The following FLT1 variants were observed in gnomAD, a reference collection of about 807,000 sequenced individuals.
FLT1 encodes fms related receptor tyrosine kinase 1, also known as vascular endothelial growth factor receptor 1.
FLT1 carries 49 observed loss-of-function variants against 156.3 expected under a neutral mutation model. That is an observed-to-expected ratio of 0.31 (90% CI 0.25 to 0.40). The LOEUF (loss-of-function observed/expected upper bound fraction) is 0.40, where lower values mean the gene tolerates loss of function less well. FLT1 is among the 10% of genes least tolerant of loss of function. The pLI, the probability that FLT1 is intolerant of heterozygous loss-of-function variation, is 1.00. For missense variants in FLT1, 1,322 were observed against 1,637.2 expected (o/e 0.81, Z 3.32); for synonymous variants, 594 against 583.8 (o/e 1.02, Z -0.25).
intron 1 of FLT1, among the ~76,000 whole-genome samples, chr13:28,469,668 G>T (rs571372884): frequency 6.6e-6 from 1 of 152,182 alleles, no homozygotes; most frequent in Non-Finnish European, 1.5e-5. Context: ...AGAATATTTT[G>T]CTGGGTATAT....
Position 28,431,314 on chromosome 13 carries a change from G to C in FLT1, c.814-4C>G, listed in dbSNP as rs1416306416. ...TTACGGAAGCTCTCTTATTTTTCTAGAAAGAAAATGTATAACAAATGTAGA... is the reference window on the plus strand; with the variant it reads ...TTACGGAAGCTCTCTTATTTTTCTACAAAGAAAATGTATAACAAATGTAGA... On this transcript the variant is annotated splice_region_variant and splice_polypyrimidine_tract_variant and intron_variant, in intron 6 of 29. Coordinates refer to ENST00000282397, the MANE Select transcript of FLT1 (RefSeq NM_002019.4). 4.4e-6 allele frequency: 7 copies of C among 1,607,500 alleles called. No homozygotes were observed. The highest frequency in any genetic ancestry group is 4.3e-6 in the Non-Finnish European group (5 of 1,174,334).
intron 20 of FLT1, among the ~76,000 whole-genome samples, chr13:28,325,816 CAAA>C (rs377427677): frequency 1.4e-5 from 1 of 71,166 alleles, no homozygotes. Context: ...AACTCTGTCT[CAAA>C]AAAAAAAAAA....
intron 8 of FLT1, among the ~76,000 whole-genome samples, chr13:28,428,185 T>TA (rs1877462467): frequency 6.6e-6 from 1 of 152,202 alleles, no homozygotes; most frequent in Non-Finnish European, 1.5e-5. Flanking sequence ...CCCACAGGCA[T>TA]ACTGGTGGCC....
At chr13:28,405,650 T>C in intron 11 of FLT1, 130 bp downstream of exon 11, 1 of 698,560 alleles carries the variant, frequency 1.4e-6, no homozygotes. Context: ...ATAGCTCAGA[T>C]ATTGTCTTTC....
At chr13:28,473,241 T>A (rs1289092771) in intron 1 of FLT1, among the ~76,000 whole-genome samples, 1 of 152,146 alleles carries the variant, frequency 6.6e-6, no homozygotes, top group Non-Finnish European at 1.5e-5. Context: ...TTTAAACACA[T>A]GACTCAGCAA....
At position 28,329,722 on chromosome 13, in the gene FLT1, G is replaced by C; in HGVS notation, c.2600C>G (p.Ala867Gly). The change falls in exon 19 of 30, where the codon GCC becomes GGC. Residue 867 changes from alanine (A) to glycine (G), a missense_variant. Ala to Gly is a moderately conservative substitution (Grantham distance 60). Coordinates refer to ENST00000282397, the MANE Select transcript of FLT1 (RefSeq NM_002019.4). Reference sequence around the variant, plus strand: ...CAGAGCTTTGTACTCGCTGGCCGTGGCCCCCTCTGTGTGAGAAGCAAGGAA... The same window carrying C: ...CAGAGCTTTGTACTCGCTGGCCGTGCCCCCCTCTGTGTGAGAAGCAAGGAA... The part of the protein sequence containing the change: ...TVAVKMLKEG[A>G]TASEYKALMT... 1 of 1,613,374 alleles carries C rather than the reference G, an allele frequency of 6.2e-7. No homozygotes were observed. The highest frequency in any genetic ancestry group is 8.5e-7 in the Non-Finnish European group (1 of 1,179,430).
At chr13:28,477,885 A>G (rs2137648507) in intron 1 of FLT1, among the ~76,000 whole-genome samples, 1 of 152,340 alleles carries the variant, frequency 6.6e-6, no homozygotes. Context: ...CAGATTGTGA[A>G]CACCTGGAAG....
At position 28,329,546 on chromosome 13, in the gene FLT1, G is replaced by GT. The variant is rs1281413992; in HGVS notation, c.2707+68dup. 16 of 1,129,244 alleles carry GT rather than the reference G, an allele frequency of 1.4e-5. No homozygotes were observed. The East Asian group carries it at 3.8e-4, about 27-fold the overall frequency. 70.0% of individuals were successfully genotyped at this position (1,129,244 alleles called of 1,614,324 possible). On this transcript the variant is annotated intron_variant, in intron 19 of 29. Transcript: ENST00000282397. ...AGCACAGTGCGGGGGAGAAGGAGCT[G>GT]TAAGGCAGAGAACTGTTCTCCCAGC...
chr13:28,386,048 C>T, intron 13 of FLT1: 9 of 1,053,600 alleles, frequency 8.5e-6, no homozygotes, highest in Non-Finnish European at 1.0e-5. Flanking sequence ...AGAGTTTTGG[C>T]ATAACTGACA....
intron 14 of FLT1, among the ~76,000 whole-genome samples, chr13:28,371,229 A>C (rs560332042): frequency 6.6e-6 from 1 of 152,314 alleles, no homozygotes; most frequent in Non-Finnish European, 1.5e-5. Flanking sequence ...TTTTATTTTC[A>C]TCATAACAGT....
In FLT1 at chr13:28,301,297, G is replaced by C. The variant is rs55875014; in HGVS notation, c.*1870C>G. ...GGTTTGCGTATGTAAAGAAGAGGAA[G>C]AACAAAGATTTGTCCTCTCTTCTGG... On this transcript the variant is annotated 3_prime_UTR_variant, in exon 30 of 30. Coordinates refer to ENST00000282397, the MANE Select transcript of FLT1 (RefSeq NM_002019.4). 40,568 of 232,622 alleles carry C rather than the reference G, an allele frequency of 0.17. 5,204 individuals are homozygous for C. Among genetic ancestry groups the C allele is most frequent in the African/African-American group, 0.38 (17,308 of 45,208 alleles). The allele number at this position is 232,622 out of a possible 1,614,324, so 14.4% of individuals were successfully genotyped here.
chr13:28,326,871 A>C (rs1871705726), intron 20 of FLT1, among the ~76,000 whole-genome samples: 1 of 152,108 alleles, frequency 6.6e-6, no homozygotes, highest in East Asian at 1.9e-4. Flanking sequence ...TTGGGTCCAC[A>C]TGTTCCTTTT....
rs1444784133 is a variant in FLT1 at position 28,430,057 on chromosome 13, C to T, written c.1099G>A (p.Val367Ile). 3 of 1,608,102 alleles carry T rather than the reference C, an allele frequency of 1.9e-6. No homozygotes were observed. The highest frequency in any genetic ancestry group is 2.2e-5 in the South Asian group (2 of 90,962). The part of the protein sequence containing the change: ...MKVKAFPSPE[V>I]VWLKDGLPAT... Reference sequence around the variant, plus strand: ...AAATAAGGATGGTCCTACCATACAACTTCCGGCGAGGGAAATGCCTTCACT... The same window carrying T: ...AAATAAGGATGGTCCTACCATACAATTTCCGGCGAGGGAAATGCCTTCACT... The change falls in exon 8 of 30, where the codon GTT (valine) becomes ATT (isoleucine). Residue 367 changes from valine (V) to isoleucine (I), a missense_variant. By Grantham distance (29) the Val-to-Ile change is conservative. Transcript: ENST00000282397.
chr13:28,481,728 A>G (rs1195995013), intron 1 of FLT1, among the ~76,000 whole-genome samples: 1 of 152,258 alleles, frequency 6.6e-6, no homozygotes. Context: ...GAATAGGTGA[A>G]TACTAAGAAA....
rs147700083 is a variant in FLT1, at chr13:28,417,437, C to A, written c.1436+9722G>T. Among the ~76,000 whole-genome samples the A allele has an allele frequency of 1.9e-4, 29 of 152,184 alleles. No individual in the cohort carries two copies. In the East Asian group the frequency reaches 5.6e-3, roughly 29 times the overall value. On this transcript the variant is annotated intron_variant, in intron 10 of 29. Transcript: ENST00000282397. ...TGCGGCCTCTAAACTGCAACATTCA[C>A]CATCTACCACCCATGGTCGGCTCGT...
chr13:28,357,738 A>G (rs1872952492), intron 14 of FLT1, 53 bp from the exon 15 acceptor site: 15 of 1,550,776 alleles, frequency 9.7e-6, no homozygotes, highest in Admixed American at 1.7e-5. Flanking sequence ...AACAAAAAAC[A>G]GCTACTTCTG....
At chr13:28,381,012 C>T (rs1238112756) in intron 14 of FLT1, among the ~76,000 whole-genome samples, 1 of 152,130 alleles carries the variant, frequency 6.6e-6, no homozygotes, top group Admixed American at 6.5e-5. Flanking sequence ...AAGCCCTGAT[C>T]TCCCCAGCAC....
chr13:28,394,795 G>A (rs1320423993), intron 12 of FLT1, among the ~76,000 whole-genome samples: 1 of 152,152 alleles, frequency 6.6e-6, no homozygotes, highest in Non-Finnish European at 1.5e-5. Context: ...CCTATATCAT[G>A]ATCCAGGTCC....
chr13:28,488,703 G>A (rs73160005), intron 1 of FLT1, among the ~76,000 whole-genome samples: 2,434 of 152,178 alleles, frequency 0.016, 28 homozygotes, highest in Middle Eastern at 0.031. Flanking sequence ...AACATGTCTC[G>A]CACCTAGCAG....
Sources: gnomAD v4.1 joint callset for allele counts (sites outside exome capture counted in the v4.1 genomes callset) on GRCh38, gnomAD v4.1.1 for gene constraint, MANE v1.5 for transcripts, NCBI Gene and HGNC (gene_info 2026-07-23, HGNC 2026-07-21) for gene names.